Variants in SELENOI observed in about 807,000 individuals in gnomAD.
SELENOI encodes the protein ethanolaminephosphotransferase 1.
Under a neutral mutation model 50.7 loss-of-function variants are expected in SELENOI, and 24 were observed. That is an observed-to-expected ratio of 0.47 (90% CI 0.34 to 0.67). The LOEUF (loss-of-function observed/expected upper bound fraction) is 0.67. Among genes scored for constraint, SELENOI ranks in the 30% least tolerant of loss-of-function variants. SELENOI has a pLI of 0.01. For missense variants in SELENOI, 352 were observed against 461.4 expected (o/e 0.76, Z 2.17); for synonymous variants, 155 against 170.2 (o/e 0.91, Z 0.70).
At chr2:26,347,761 G>C (rs1234139966) in intron 1 of SELENOI, among the ~76,000 whole-genome samples, 37 of 152,160 alleles carry the variant, frequency 2.4e-4, no homozygotes, top group Non-Finnish European at 1.5e-5. Context: ...CTATTTCAAT[G>C]GGAGCAGTGT....
chr2:26,388,197 G>A (rs1239273933), intron 9 of SELENOI, among the ~76,000 whole-genome samples: 3 of 152,130 alleles, frequency 2.0e-5, no homozygotes, highest in African/African-American at 7.2e-5. Flanking sequence ...ATCAATATAT[G>A]CATGGCATAG....
chr2:26,356,524 C>G (rs1042583307), intron 1 of SELENOI, among the ~76,000 whole-genome samples: 1 of 152,150 alleles, frequency 6.6e-6, no homozygotes, highest in Non-Finnish European at 1.5e-5. Flanking sequence ...CAATTTCCTT[C>G]TTAAATTAAG....
intron 1 of SELENOI, among the ~76,000 whole-genome samples, chr2:26,354,679 C>G (rs1677030810): frequency 6.6e-6 from 1 of 152,096 alleles, no homozygotes; most frequent in African/African-American, 2.4e-5. Context: ...ATGTGAGCCA[C>G]CGCGCCTGGC....
At chr2:26,367,261 G>A in intron 4 of SELENOI, 41 bp downstream of exon 4, 1 of 1,480,374 alleles carries the variant, frequency 6.8e-7, no homozygotes, top group Non-Finnish European at 9.3e-7. Flanking sequence ...AGTGACTGGT[G>A]AATCAGCAAG....
intron 9 of SELENOI, among the ~76,000 whole-genome samples, chr2:26,388,409 ATC>A (rs1017559818): frequency 6.6e-6 from 1 of 152,182 alleles, no homozygotes; most frequent in African/African-American, 2.4e-5. Context: ...CATCTTTTTT[ATC>A]TGTCTTTGTG....
At chr2:26,348,624 A>T (rs1353530478) in intron 1 of SELENOI, among the ~76,000 whole-genome samples, 2 of 151,878 alleles carry the variant, frequency 1.3e-5, no homozygotes, top group African/African-American at 2.4e-5. Context: ...CAGTTAGTTG[A>T]CTATTAGTTG....
In SELENOI at chr2:26,365,027, A is replaced by G. The variant is rs183529735; in HGVS notation, c.235+87A>G. Reference sequence around the variant, plus strand: ...ATTTTCTGGTTTTGTTAAAATGTTCATATTTCTAAAAAATTTTGAATATTA... The same window carrying G: ...ATTTTCTGGTTTTGTTAAAATGTTCGTATTTCTAAAAAATTTTGAATATTA... On this transcript the variant is annotated intron_variant, in intron 3 of 9. Coordinates refer to ENST00000260585, the MANE Select transcript of SELENOI (RefSeq NM_033505.4). The G allele has an allele frequency of 8.4e-4, 827 of 983,620 alleles. 2 individuals carry two copies. The highest frequency in any genetic ancestry group is 1.1e-3 in the Non-Finnish European group (770 of 690,498). The allele number at this position is 983,620 out of a possible 1,614,324, so 60.9% of individuals were successfully genotyped here.
intron 4 of SELENOI, among the ~76,000 whole-genome samples, chr2:26,372,014 G>T (rs1677466253): frequency 1.3e-5 from 2 of 152,208 alleles, no homozygotes; most frequent in Non-Finnish European, 2.9e-5. Flanking sequence ...TGCCTGAAAA[G>T]CCATTCTAGA....
chr2:26,388,951 T>A, intron 9 of SELENOI, 54 bp from the exon 10 acceptor site: 1 of 1,372,280 alleles, frequency 7.3e-7, no homozygotes, highest in Non-Finnish European at 1.0e-6. Flanking sequence ...TGTGTGCTTT[T>A]AAAAAACAAT....
chr2:26,349,409 C>T (rs1676903110), intron 1 of SELENOI, among the ~76,000 whole-genome samples: 1 of 151,232 alleles, frequency 6.6e-6, no homozygotes, highest in South Asian at 2.1e-4. Flanking sequence ...CGGGTTCAAG[C>T]AGTTCTCCTG....
At chr2:26,382,383 CAGTTTAGTGGAT>C (rs1223575100) in intron 6 of SELENOI, among the ~76,000 whole-genome samples, 1 of 152,156 alleles carries the variant, frequency 6.6e-6, no homozygotes, top group Non-Finnish European at 1.5e-5. Context: ...GAAAGAATTT[CAGTTTAGTGGAT>C]AGTCAACCAA....
chr2:26,371,004 A>G (rs866671179), intron 4 of SELENOI, among the ~76,000 whole-genome samples: 21 of 95,144 alleles, frequency 2.2e-4, no homozygotes, highest in East Asian at 7.4e-4. Flanking sequence ...CCTCCCGGAC[A>G]GGGCGGCTGG....
At chr2:26,376,347 T>G (rs898399664) in intron 6 of SELENOI, among the ~76,000 whole-genome samples, 5 of 152,226 alleles carry the variant, frequency 3.3e-5, no homozygotes, top group African/African-American at 1.2e-4. Context: ...TCAAAAATGC[T>G]ATTTTTCTTC....
At chr2:26,384,886 ATAAAC>A in intron 7 of SELENOI, 68 bp from the exon 8 acceptor site, 1 of 1,079,138 alleles carries the variant, frequency 9.3e-7, no homozygotes, top group Non-Finnish European at 1.3e-6. Flanking sequence ...TAAGGAAACT[ATAAAC>A]TACAGTACAA....
rs57102834 is a variant in SELENOI, at chr2:26,381,198, C to CTTTTTTTTTTTTTTTTTTTTTTTTTT, written c.683-2095_683-2070dup. 2.3e-4 allele frequency among the ~76,000 whole-genome samples: 7 copies of CTTTTTTTTTTTTTTTTTTTTTTTTTT among 30,198 alleles called. 2 individuals carry two copies. Among genetic ancestry groups the CTTTTTTTTTTTTTTTTTTTTTTTTTT allele is most frequent in the African/African-American group, 1.3e-3 (7 of 5,532 alleles). 19.8% of individuals were successfully genotyped at this position (30,198 alleles called of 152,430 possible). On this transcript the variant is annotated intron_variant, in intron 6 of 9. Coordinates refer to ENST00000260585, the MANE Select transcript of SELENOI (RefSeq NM_033505.4). ...TGGATTGTATCTCCTTCAGTTTGGTCTTTTTTTTTTTTTTTTTTTTTTTTT... is the reference window on the plus strand; with the variant it reads ...TGGATTGTATCTCCTTCAGTTTGGTCTTTTTTTTTTTTTTTTTTTTTTTTTTTTTTTTTTTTTTTTTTTTTTTTTTT...
chr2:26,370,972 G>A (rs1420365914), intron 4 of SELENOI, among the ~76,000 whole-genome samples: 6 of 129,192 alleles, frequency 4.6e-5, no homozygotes, highest in Non-Finnish European at 8.4e-5. Context: ...CTGGCCGGGC[G>A]GGGGGCTGAC....
intron 4 of SELENOI, among the ~76,000 whole-genome samples, chr2:26,367,946 G>T (rs555791494): frequency 6.6e-6 from 1 of 152,276 alleles, no homozygotes; most frequent in East Asian, 1.9e-4. Flanking sequence ...TTGCCTGCTT[G>T]TTTGTTATCT....
chr2:26,379,626 C>T (rs1340142039), intron 6 of SELENOI, among the ~76,000 whole-genome samples: 5 of 151,866 alleles, frequency 3.3e-5, no homozygotes, highest in Non-Finnish European at 7.4e-5. Context: ...ATATTTTAAC[C>T]TGCTACCTTA....
intron 8 of SELENOI, among the ~76,000 whole-genome samples, chr2:26,385,361 C>G (rs1368448329): frequency 6.6e-6 from 1 of 152,166 alleles, no homozygotes; most frequent in African/African-American, 2.4e-5. Flanking sequence ...TATTTTGGAA[C>G]TATGGCACAC....
Sources: allele counts gnomAD v4.1 joint callset (sites outside exome capture counted in the v4.1 genomes callset), GRCh38; gene constraint gnomAD v4.1.1; transcripts MANE v1.5; gene names NCBI Gene and HGNC (gene_info 2026-07-23, HGNC 2026-07-21).